The following EVC2 variants were observed in gnomAD, a reference collection of about 807,000 sequenced individuals.
EVC2 encodes the protein limbin.
EVC2 carries 148 observed loss-of-function variants against 149.3 expected under a neutral mutation model. The ratio of observed to expected loss-of-function variants is 0.99; its 90% CI spans 0.87 to 1.14. The LOEUF is 1.14. EVC2 is among the 50% of genes most tolerant of loss of function. The probability of loss-of-function intolerance (pLI) is 0.00; values close to 1 mark genes in which losing one functional copy is unlikely to be tolerated. For missense variants in EVC2, 1,854 were observed against 1,627.3 expected, an observed-to-expected ratio of 1.14 and a Z score of -2.40; for synonymous variants, 776 against 649.9, an observed-to-expected ratio of 1.19 and a Z score of -2.95.
At chr4:5,671,994 G>C (rs571030415) in intron 7 of EVC2, among the ~76,000 whole-genome samples, 8 of 152,356 alleles carry the variant, frequency 5.3e-5, no homozygotes, top group African/African-American at 1.9e-4. Context: ...AGTCACTGGA[G>C]CCCTGTACTA....
rs1577165109 is a variant in EVC2, at chr4:5,618,779, C to G, written c.2502-97G>C. 5 of 1,188,548 alleles carry G rather than the reference C, an allele frequency of 4.2e-6. No homozygotes were observed. In the African/African-American group the frequency reaches 4.5e-5, roughly 11 times the overall value. 73.6% of individuals were successfully genotyped at this position (1,188,548 alleles called of 1,614,324 possible). ...GAGATGCAAAGCTCATTCCTCATAT[C>G]CATGTCTGCAGAAAAAGCACTGGCT... On this transcript the variant is annotated intron_variant, in intron 14 of 21. Transcript: ENST00000344408. The surrounding 1 kb of genome is among the most constrained non-coding windows in gnomAD (Gnocchi z 4.4).
rs1721510830 is a variant in EVC2, at chr4:5,696,899, A to G, written c.283+694T>C. On this transcript the variant is annotated intron_variant, in intron 2 of 21. Coordinates refer to ENST00000344408, the MANE Select transcript of EVC2 (RefSeq NM_147127.5). This position sits in a 1 kb window ranked among gnomAD's most constrained non-coding sequence, Gnocchi z 4.1. ...TCTTAGGGTCTCAGATACTTTGCAA[A>G]TGTGATTCCATTAAGGGCTTCGAGA... Among the ~76,000 whole-genome samples the G allele has an allele frequency of 6.6e-6, 1 of 152,186 alleles. No individual in the cohort carries two copies. Among genetic ancestry groups the G allele is most frequent in the African/African-American group, 2.4e-5 (1 of 41,448 alleles).
chr4:5,557,262 G>T (rs574390382), intron 21 of EVC2, among the ~76,000 whole-genome samples: 2 of 152,240 alleles, frequency 1.3e-5, no homozygotes, highest in Admixed American at 1.3e-4. Context: ...TGCAAGGCTG[G>T]TTCAACATTC....
At chr4:5,631,578 A>G (rs759967249) in intron 11 of EVC2, among the ~76,000 whole-genome samples, 3 of 148,124 alleles carry the variant, frequency 2.0e-5, no homozygotes, top group Non-Finnish European at 4.5e-5. Flanking sequence ...GGGGGGGGGA[A>G]CTGAAATTCC....
downstream of EVC2, among the ~76,000 whole-genome samples, chr4:5,561,505 C>T (rs1047269232): frequency 6.6e-5 from 10 of 152,186 alleles, no homozygotes; most frequent in South Asian, 8.3e-4. Flanking sequence ...CAGCTGAAAA[C>T]GGTGCACAGC....
chr4:5,652,131 G>A (rs1248564957), intron 9 of EVC2, among the ~76,000 whole-genome samples: 1 of 152,200 alleles, frequency 6.6e-6, no homozygotes, highest in Non-Finnish European at 1.5e-5. Flanking sequence ...GAATGGACTG[G>A]ACGGTTAGGG....
intron 6 of EVC2, among the ~76,000 whole-genome samples, chr4:5,685,147 G>A (rs962031252): frequency 1.3e-5 from 2 of 152,192 alleles, no homozygotes; most frequent in African/African-American, 2.4e-5. Context: ...CTCATGTGAG[G>A]CCCAGAGGGG....
the EVC2 span, among the ~76,000 whole-genome samples, chr4:5,534,720 T>C: frequency 6.6e-6 from 1 of 152,034 alleles, no homozygotes; most frequent in Non-Finnish European, 1.5e-5. Flanking sequence ...GATGGAGGCT[T>C]TGTGGCCTCT....
chr4:5,590,187 T>G (rs1229872850), intron 16 of EVC2, among the ~76,000 whole-genome samples: 1 of 152,128 alleles, frequency 6.6e-6, no homozygotes, highest in Non-Finnish European at 1.5e-5. Flanking sequence ...GAACCCATAC[T>G]GCAGAGGCCC....
At chr4:5,598,207 G>T (rs534041767) in intron 16 of EVC2, among the ~76,000 whole-genome samples, 1 of 152,100 alleles carries the variant, frequency 6.6e-6, no homozygotes, top group South Asian at 2.1e-4. Flanking sequence ...TCACAGAATT[G>T]GAAAAAACTA....
At chr4:5,694,229 A>G in intron 3 of EVC2, 106 bp downstream of exon 3, 1 of 1,153,492 alleles carries the variant, frequency 8.7e-7, no homozygotes, top group Admixed American at 1.9e-5. Context: ...GAGGAGGAAT[A>G]GGGTTTTTTT....
intron 4 of EVC2, 110 bp downstream of exon 4, chr4:5,691,155 T>C: frequency 1.1e-6 from 1 of 944,500 alleles, no homozygotes; most frequent in South Asian, 1.3e-5. Context: ...TCTAGACTTG[T>C]GTAGGTAAGC....
In EVC2 at chr4:5,686,462, C is replaced by T. The variant is rs1720720058; in HGVS notation, c.707-983G>A. 6.6e-6 allele frequency among the ~76,000 whole-genome samples: 1 copy of T among 152,142 alleles called. No homozygotes were observed. The highest frequency in any genetic ancestry group is 1.5e-5 in the Non-Finnish European group (1 of 68,042). On this transcript the variant is annotated intron_variant, in intron 5 of 21. Transcript: ENST00000344408. The surrounding 1 kb of genome is among the most constrained non-coding windows in gnomAD (Gnocchi z 5.4). ...GAAAGAAGTCATAGTCAGACCTTCCCCATACAGTGATTTCATCACTCTCCA... is the reference window on the plus strand; with the variant it reads ...GAAAGAAGTCATAGTCAGACCTTCCTCATACAGTGATTTCATCACTCTCCA...
intron 17 of EVC2, among the ~76,000 whole-genome samples, chr4:5,577,461 G>C (rs1577109707): frequency 6.6e-6 from 1 of 152,304 alleles, no homozygotes; most frequent in East Asian, 1.9e-4. Flanking sequence ...AATTAGGACT[G>C]GAAGGTGGAC....
Position 5,640,337 on chromosome 4 carries a change from A to G in EVC2, c.1470+177T>C, listed in dbSNP as rs188909939. Among the ~76,000 whole-genome samples, 201 of 151,954 alleles carry G rather than the reference A, an allele frequency of 1.3e-3. No individual in the cohort carries two copies. Among genetic ancestry groups the G allele is most frequent in the Admixed American group, 3.3e-3 (50 of 15,258 alleles). On this transcript the variant is annotated intron_variant, in intron 10 of 21. Transcript: ENST00000344408. The surrounding 1 kb of genome is among the most constrained non-coding windows in gnomAD (Gnocchi z 4.6). The stretch of plus-strand genomic sequence containing the variant: ...TGGATGGACAGATGATGATGGATGG[A>G]CGGTGGGAATGGTTGGATGAATGAA...
At chr4:5,554,144 G>A (rs549964027) in intron 21 of EVC2, among the ~76,000 whole-genome samples, 5 of 152,298 alleles carry the variant, frequency 3.3e-5, no homozygotes, top group African/African-American at 1.2e-4. Context: ...CTCACTCATA[G>A]GACAAGGAAA....
intron 1 of EVC2, 25 bp downstream of exon 1, chr4:5,708,261 G>A: frequency 6.8e-7 from 1 of 1,470,470 alleles, no homozygotes; most frequent in Non-Finnish European, 9.0e-7. Flanking sequence ...AGTCAGACCG[G>A]AGCCTGGGGT....
At position 5,640,529 on chromosome 4, in the gene EVC2, T is replaced by C. The variant is rs1371814417; in HGVS notation, c.1455A>G (p.Lys485=). The stretch of plus-strand genomic sequence containing the variant: ...CCTGTCTTACCCTCTCACCAGCACG[T>C]TTCAGCAACTCTTCTGCTTCCTCCA... ...MAMEEAEELL[K]RAGERSAVEC... Residue 485 remains lysine (K), a synonymous_variant, in exon 10 of 22, where the codon AAA becomes AAG. Coordinates refer to ENST00000344408, the MANE Select transcript of EVC2 (RefSeq NM_147127.5). This position sits in a 1 kb window ranked among gnomAD's most constrained non-coding sequence, Gnocchi z 4.6. 3 of 1,614,010 alleles carry C rather than the reference T, an allele frequency of 1.9e-6. No homozygotes were observed. The highest frequency in any genetic ancestry group is 2.2e-5 in the South Asian group (2 of 91,070).
intron 6 of EVC2, among the ~76,000 whole-genome samples, chr4:5,685,145 A>ATTACCTATCCTTAT (rs1195552549): frequency 6.6e-6 from 1 of 152,194 alleles, no homozygotes; most frequent in Non-Finnish European, 1.5e-5. Flanking sequence ...ACCTCATGTG[A>ATTACCTATCCTTAT]GGCCCAGAGG....
Sources: gnomAD v4.1 joint callset for allele counts (sites outside exome capture counted in the v4.1 genomes callset) on GRCh38, gnomAD v4.1.1 for gene constraint, Gnocchi (gnomAD v3.1) non-coding constraint, MANE v1.5 for transcripts, NCBI Gene and HGNC (gene_info 2026-07-23, HGNC 2026-07-21) for gene names.